Variants in PDE8A observed in about 807,000 individuals in gnomAD.
PDE8A encodes the protein phosphodiesterase 8A, also known as high affinity cAMP-specific and IBMX-insensitive 3',5'-cyclic phosphodiesterase 8A.
PDE8A carries 59 observed loss-of-function variants against 105.0 expected under a neutral mutation model. The observed-to-expected ratio is 0.56, with a 90% CI of 0.46 to 0.70. The LOEUF (loss-of-function observed/expected upper bound fraction) is 0.70. PDE8A is among the 30% of genes least tolerant of loss of function. The pLI is 0.00. For synonymous variants in PDE8A, 355 were observed against 371.9 expected, an observed-to-expected ratio of 0.95 and a Z score of 0.52; for missense variants, 1,014 against 1,045.9, an observed-to-expected ratio of 0.97 and a Z score of 0.42.
At position 85,033,779 on chromosome 15, in the gene PDE8A, C is replaced by T. The variant is rs552806572; in HGVS notation, c.187-30591C>T. 7.9e-5 allele frequency among the ~76,000 whole-genome samples: 12 copies of T among 152,216 alleles called. No homozygotes were observed. The South Asian group carries it at 1.2e-3, about 16-fold the overall frequency. ...GTTCGGGAGGCTGAGGCAGGAGAAT[C>T]GCTTGAACCTGGGAGGCAGAGGTTG... On this transcript the variant is annotated intron_variant, in intron 1 of 21. Transcript: ENST00000394553.
At chr15:84,983,930 T>A (rs1438790571) in intron 1 of PDE8A, among the ~76,000 whole-genome samples, 1 of 152,206 alleles carries the variant, frequency 6.6e-6, no homozygotes, top group Non-Finnish European at 1.5e-5. Context: ...TGCCGTTAGG[T>A]CCCTGAGTTT....
chr15:85,006,292 A>G (rs965191593), intron 1 of PDE8A, among the ~76,000 whole-genome samples: 10 of 152,156 alleles, frequency 6.6e-5, no homozygotes, highest in Non-Finnish European at 1.5e-4. Context: ...AAAAGAAAGT[A>G]TTCTCATGGG....
At chr15:85,011,859 C>T (rs1441603751) in intron 1 of PDE8A, among the ~76,000 whole-genome samples, 1 of 151,450 alleles carries the variant, frequency 6.6e-6, no homozygotes, top group Non-Finnish European at 1.5e-5. Flanking sequence ...AGAAAAAAAA[C>T]AAACAACCCC....
intron 6 of PDE8A, among the ~76,000 whole-genome samples, chr15:85,084,348 A>G (rs16974823): frequency 0.089 from 13,459 of 151,892 alleles, 1,653 homozygotes; most frequent in African/African-American, 0.28. Flanking sequence ...TAGGGAAGAT[A>G]GGTACTTTAT....
chr15:85,055,760 C>G (rs2081049763), intron 1 of PDE8A, among the ~76,000 whole-genome samples: 1 of 152,118 alleles, frequency 6.6e-6, no homozygotes. Context: ...TTGACTCTAT[C>G]CAATTTGCCA....
chr15:85,019,499 G>T (rs539355086), intron 1 of PDE8A, among the ~76,000 whole-genome samples: 1 of 152,116 alleles, frequency 6.6e-6, no homozygotes, highest in Non-Finnish European at 1.5e-5. Context: ...AACGATCCAC[G>T]TATGTCAGCC....
At chr15:85,017,354 A>T (rs1312124518) in intron 1 of PDE8A, among the ~76,000 whole-genome samples, 2 of 152,162 alleles carry the variant, frequency 1.3e-5, no homozygotes, top group African/African-American at 2.4e-5. Context: ...TACATAGCAC[A>T]TAAATTCTTT....
chr15:85,008,430 C>A (rs371649611), intron 1 of PDE8A, among the ~76,000 whole-genome samples: 1 of 152,210 alleles, frequency 6.6e-6, no homozygotes, highest in South Asian at 2.1e-4. Context: ...TCACCAGACC[C>A]TTCCTCCATA....
intron 1 of PDE8A, among the ~76,000 whole-genome samples, chr15:84,992,352 C>G (rs983153712): frequency 7.2e-5 from 11 of 152,020 alleles, no homozygotes; most frequent in Non-Finnish European, 1.3e-4. Context: ...AAATATATCT[C>G]TGGATAAGGG....
At chr15:84,986,988 C>A (rs1482495118) in intron 1 of PDE8A, among the ~76,000 whole-genome samples, 1 of 152,014 alleles carries the variant, frequency 6.6e-6, no homozygotes, top group African/African-American at 2.4e-5. Flanking sequence ...GATTTTTTTC[C>A]TCCAGTAGGG....
At chr15:85,044,753 G>T (rs978583406) in intron 1 of PDE8A, among the ~76,000 whole-genome samples, 1 of 152,196 alleles carries the variant, frequency 6.6e-6, no homozygotes, top group East Asian at 1.9e-4. Flanking sequence ...TATTGGCCTT[G>T]CCTCTACTCT....
At chr15:85,065,496 AAG>A (rs1491068166) in intron 2 of PDE8A, among the ~76,000 whole-genome samples, 1 of 151,806 alleles carries the variant, frequency 6.6e-6, no homozygotes, top group African/African-American at 2.4e-5. Context: ...AAAAAAAAAA[AAG>A]AAAACAACCA....
intron 11 of PDE8A, among the ~76,000 whole-genome samples, chr15:85,103,478 G>T (rs1437655608): frequency 6.6e-6 from 1 of 152,162 alleles, no homozygotes; most frequent in African/African-American, 2.4e-5. Flanking sequence ...ATGTCCAAAG[G>T]TCTCAACTGG....
chr15:85,063,050 A>G (rs1415422219), intron 1 of PDE8A: 1 of 152,224 alleles, frequency 6.6e-6, no homozygotes, highest in African/African-American at 2.4e-5. Flanking sequence ...CACCCTACTG[A>G]AGAATCTTCC....
At chr15:85,020,263 G>A (rs934810610) in intron 1 of PDE8A, among the ~76,000 whole-genome samples, 3 of 152,068 alleles carry the variant, frequency 2.0e-5, no homozygotes, top group African/African-American at 4.8e-5. Flanking sequence ...TCACAGTTGT[G>A]GTTTTGGCGA....
At chr15:85,019,398 T>A (rs1198046225) in intron 1 of PDE8A, among the ~76,000 whole-genome samples, 2 of 152,016 alleles carry the variant, frequency 1.3e-5, no homozygotes, top group Non-Finnish European at 2.9e-5. Flanking sequence ...GAGTGATGGG[T>A]TTATGAGTGT....
upstream of PDE8A, chr15:84,980,632 C>T (rs935784857): frequency 1.3e-5 from 2 of 152,492 alleles, no homozygotes; most frequent in African/African-American, 2.4e-5. Flanking sequence ...ACGTGATGGA[C>T]GCCCAGAGAC....
intron 20 of PDE8A, among the ~76,000 whole-genome samples, chr15:85,129,644 G>T (rs2082303546): frequency 7.1e-6 from 1 of 140,018 alleles, no homozygotes; most frequent in Admixed American, 7.4e-5. Flanking sequence ...CAATCTTGTT[G>T]ATCTTTTCAA....
intron 1 of PDE8A, among the ~76,000 whole-genome samples, chr15:84,985,497 A>G (rs1278011776): frequency 6.6e-6 from 1 of 151,972 alleles, no homozygotes; most frequent in Non-Finnish European, 1.5e-5. Context: ...CCCCATTTCC[A>G]CTTTCCCTAG....
Sources: allele counts gnomAD v4.1 joint callset (sites outside exome capture counted in the v4.1 genomes callset), GRCh38; gene constraint gnomAD v4.1.1; transcripts MANE v1.5; gene names NCBI Gene and HGNC (gene_info 2026-07-23, HGNC 2026-07-21).